CACNA2D3: variants seen among roughly 807,000 people sequenced by gnomAD.
The protein encoded by CACNA2D3 is calcium voltage-gated channel auxiliary subunit alpha2delta 3, also known as voltage-dependent calcium channel subunit alpha-2/delta-3.
CACNA2D3 carries 60 observed loss-of-function variants against 160.6 expected under a neutral mutation model. The observed-to-expected ratio is 0.37, with a 90% CI of 0.30 to 0.46. CACNA2D3 has a LOEUF of 0.46. Among genes scored for constraint, CACNA2D3 ranks in the 20% least tolerant of loss-of-function variants. The pLI is 1.00. For synonymous variants in CACNA2D3, 558 were observed against 492.9 expected (o/e 1.13, Z -1.75); for missense variants, 1,205 against 1,365.0 (o/e 0.88, Z 1.85).
At chr3:54,375,777 C>T (rs915139034) in intron 3 of CACNA2D3, among the ~76,000 whole-genome samples, 11 of 151,994 alleles carry the variant, frequency 7.2e-5, no homozygotes, top group African/African-American at 2.4e-4. Flanking sequence ...GAATGGGATC[C>T]AGGGCACTGA....
intron 2 of CACNA2D3, among the ~76,000 whole-genome samples, chr3:54,179,527 G>A (rs1241876018): frequency 6.6e-6 from 1 of 152,156 alleles, no homozygotes; most frequent in Non-Finnish European, 1.5e-5. Context: ...GTAATTGGGG[G>A]AATTTTGCTG....
intron 34 of CACNA2D3, among the ~76,000 whole-genome samples, chr3:55,010,618 A>G (rs1305412731): frequency 6.6e-6 from 1 of 152,148 alleles, no homozygotes. Context: ...GCCAGGGACT[A>G]GTAGGCTATT....
At chr3:54,991,697 C>A (rs1404179683) in intron 31 of CACNA2D3, among the ~76,000 whole-genome samples, 1 of 152,098 alleles carries the variant, frequency 6.6e-6, no homozygotes, top group Non-Finnish European at 1.5e-5. Flanking sequence ...ATACTCTGGA[C>A]TTGAAATAAG....
chr3:54,622,806 T>C (rs1438446038), intron 9 of CACNA2D3, among the ~76,000 whole-genome samples: 1 of 151,998 alleles, frequency 6.6e-6, no homozygotes, highest in Non-Finnish European at 1.5e-5. Flanking sequence ...ATGGTTAGGA[T>C]TGATCATCAG....
At chr3:54,969,943 G>T in intron 29 of CACNA2D3, 99 bp downstream of exon 29, 1 of 1,009,002 alleles carries the variant, frequency 9.9e-7, no homozygotes, top group South Asian at 1.4e-5. Context: ...AGGCCAGGTT[G>T]ACGCATTGTA....
At chr3:54,966,314 G>C (rs962364794) in intron 27 of CACNA2D3, among the ~76,000 whole-genome samples, 11 of 152,166 alleles carry the variant, frequency 7.2e-5, no homozygotes, top group African/African-American at 2.7e-4. Flanking sequence ...GCATTTGGAA[G>C]ATGAGATTTA....
intron 2 of CACNA2D3, among the ~76,000 whole-genome samples, chr3:54,151,393 G>GAATA (rs112650650): frequency 0.079 from 11,991 of 151,946 alleles, 520 homozygotes; most frequent in South Asian, 0.17. Context: ...GTAGATGGAT[G>GAATA]AATAGGTAGA....
At chr3:55,049,094 C>T (rs1350384795) in intron 35 of CACNA2D3, among the ~76,000 whole-genome samples, 2 of 151,774 alleles carry the variant, frequency 1.3e-5, no homozygotes, top group Non-Finnish European at 2.9e-5. Context: ...TTTTGTGTCC[C>T]TGTTTCCTTC....
chr3:54,628,465 C>T (rs557845403), intron 10 of CACNA2D3, among the ~76,000 whole-genome samples: 37 of 152,270 alleles, frequency 2.4e-4, no homozygotes, highest in African/African-American at 8.9e-4. Flanking sequence ...AGGGCTTTGA[C>T]TGTGGAGTGG....
At chr3:54,192,138 A>C (rs1283376366) in intron 2 of CACNA2D3, among the ~76,000 whole-genome samples, 8 of 150,024 alleles carry the variant, frequency 5.3e-5, no homozygotes, top group Non-Finnish European at 8.9e-5. Flanking sequence ...ATTCCCTGTC[A>C]GTCAGCAGTG....
At chr3:55,020,320 A>G (rs1318227780) in intron 35 of CACNA2D3, among the ~76,000 whole-genome samples, 1 of 149,918 alleles carries the variant, frequency 6.7e-6, no homozygotes, top group Non-Finnish European at 1.5e-5. Context: ...TATGTATTAT[A>G]TGTACATATC....
At chr3:54,306,466 C>A (rs904858916) in intron 2 of CACNA2D3, among the ~76,000 whole-genome samples, 4 of 152,242 alleles carry the variant, frequency 2.6e-5, no homozygotes, top group African/African-American at 7.2e-5. Flanking sequence ...ATTTCCATGA[C>A]TACCAACCTA....
intron 5 of CACNA2D3, among the ~76,000 whole-genome samples, chr3:54,530,526 C>G (rs1197835256): frequency 1.3e-5 from 2 of 152,194 alleles, no homozygotes; most frequent in Admixed American, 1.3e-4. Context: ...CCAGCCCAGA[C>G]TTGGCATCAC....
chr3:54,805,609 A>G (rs1703100734), intron 13 of CACNA2D3, among the ~76,000 whole-genome samples: 1 of 152,244 alleles, frequency 6.6e-6, no homozygotes, highest in African/African-American at 2.4e-5. Flanking sequence ...TCACAGCCGA[A>G]TTCTACCAGA....
At chr3:54,875,768 A>G (rs141228005) in intron 18 of CACNA2D3, 1 of 152,308 alleles carries the variant, frequency 6.6e-6, no homozygotes, top group East Asian at 1.9e-4. Flanking sequence ...GAACTGGACA[A>G]TGCAGGGCCC....
At chr3:54,855,442 AT>A (rs1699148101) in intron 17 of CACNA2D3, among the ~76,000 whole-genome samples, 1 of 151,930 alleles carries the variant, frequency 6.6e-6, no homozygotes, top group African/African-American at 2.4e-5. Flanking sequence ...ATCCTCCTTA[AT>A]TTGCCAGCTC....
In CACNA2D3 at chr3:54,380,069, T is replaced by C. The variant is rs545356726; in HGVS notation, c.322-6646T>C. On this transcript the variant is annotated intron_variant, in intron 3 of 37. Coordinates refer to ENST00000474759, the MANE Select transcript of CACNA2D3 (RefSeq NM_018398.3). Reference sequence around the variant, plus strand: ...GAAGGAATCTCAACACCAGAAGGAATGAAAATGTAAATCTGAACAACTTAC... The same window carrying C: ...GAAGGAATCTCAACACCAGAAGGAACGAAAATGTAAATCTGAACAACTTAC... 2.4e-4 allele frequency among the ~76,000 whole-genome samples: 36 copies of C among 152,330 alleles called. 1 individual carries two copies. The South Asian group carries it at 7.0e-3, about 30-fold the overall frequency.
Position 54,311,641 on chromosome 3 carries a change from C to T in CACNA2D3, c.205-8801C>T, listed in dbSNP as rs74340414. Among the ~76,000 whole-genome samples the T allele has an allele frequency of 6.4e-3, 969 of 152,234 alleles. 20 individuals carry two copies. Among genetic ancestry groups the T allele is most frequent in the East Asian group, 0.062 (319 of 5,152 alleles). On this transcript the variant is annotated intron_variant, in intron 2 of 37. Transcript: ENST00000474759. ...GCACACAGACCAGCCGTGCAGGATA[C>T]GAGGGTGCAAGTTTACATAGAAATG...
chr3:54,840,155 G>A (rs566307950), intron 16 of CACNA2D3, among the ~76,000 whole-genome samples: 134 of 151,928 alleles, frequency 8.8e-4, no homozygotes, highest in Non-Finnish European at 1.4e-3. Flanking sequence ...CCTAAGCACC[G>A]AGCCACTACT....
Sources: gnomAD v4.1 joint callset for allele counts (sites outside exome capture counted in the v4.1 genomes callset) on GRCh38, gnomAD v4.1.1 for gene constraint, MANE v1.5 for transcripts, NCBI Gene and HGNC (gene_info 2026-07-23, HGNC 2026-07-21) for gene names.